Variants in SLC19A1 observed in about 807,000 individuals in gnomAD.
The protein encoded by SLC19A1 is solute carrier family 19 member 1.
A neutral mutation model predicts 35.3 loss-of-function variants in SLC19A1; 37 were observed. That is an observed-to-expected ratio of 1.05 (90% CI 0.81 to 1.38). The LOEUF is 1.38. SLC19A1 is among the 40% of genes most tolerant of loss of function. SLC19A1 has a pLI of 0.00. For missense variants in SLC19A1, 831 were observed against 826.9 expected, an observed-to-expected ratio of 1.00 and a Z score of -0.06; for synonymous variants, 460 against 398.5, an observed-to-expected ratio of 1.15 and a Z score of -1.84.
intron 3 of SLC19A1, chr21:45,505,786 T>C (rs979942854): frequency 1.1e-5 from 10 of 939,138 alleles, no homozygotes; most frequent in Admixed American, 2.1e-5. Context: ...CTTCCGCCCC[T>C]GCCCCCCGCC....
In SLC19A1 at chr21:45,534,766, T is replaced by C; in HGVS notation, c.190-2618A>G. ...AGCAGGGAGGCTCTGCCCAGAGCTG[T>C]GACCTGCGTCCCACTTACAAGGCTG... On this transcript the variant is annotated intron_variant, in intron 2 of 5. Transcript: ENST00000311124. This position sits in a 1 kb window ranked among gnomAD's most constrained non-coding sequence, Gnocchi z 4.2. 1 of 615,902 alleles carries C rather than the reference T, an allele frequency of 1.6e-6. No individual in the cohort carries two copies. The highest frequency in any genetic ancestry group is 2.8e-6 in the Non-Finnish European group (1 of 353,236). 38.2% of individuals were successfully genotyped at this position (615,902 alleles called of 1,614,324 possible).
chr21:45,553,088 G>C (rs998376280), intron 1 of SLC19A1, among the ~76,000 whole-genome samples: 10 of 152,138 alleles, frequency 6.6e-5, no homozygotes, highest in Non-Finnish European at 1.3e-4. Flanking sequence ...CAGGCTCAGG[G>C]CTGGGGCAGG....
chr21:45,537,719 T>TGGGGGGGGGCCCCCCCCCCC, intron 2 of SLC19A1, 52 bp downstream of exon 2: 5 of 319,776 alleles, frequency 1.6e-5, no homozygotes, highest in Non-Finnish European at 2.8e-5. Flanking sequence ...CAGACGCTGC[T>TGGGGGGGGGCCCCCCCCCCC]CCCCGCCCAC....
At position 45,515,064 on chromosome 21, in the gene SLC19A1, C is replaced by T. The variant is rs1472934719; in HGVS notation, c.*594G>A. ...GAGGAACCAGCTCCGAGGACCAGAG[C>T]CGCTGCTCCCCTCTGATGACAATGT... On this transcript the variant is annotated 3_prime_UTR_variant, in exon 6 of 6. Transcript: ENST00000311124. 11 of 1,545,270 alleles carry T rather than the reference C, an allele frequency of 7.1e-6. No individual in the cohort carries two copies. The South Asian group carries it at 1.3e-4, about 19-fold the overall frequency.
At chr21:45,528,095 C>G (rs57287584) in intron 4 of SLC19A1, among the ~76,000 whole-genome samples, 5,138 of 148,296 alleles carry the variant, frequency 0.035, 315 homozygotes, top group African/African-American at 0.12. Context: ...AGTGGAGGCT[C>G]GGGGGCAGGC....
intron 1 of SLC19A1, among the ~76,000 whole-genome samples, chr21:45,560,292 C>T (rs1344202326): frequency 6.6e-6 from 1 of 152,206 alleles, no homozygotes; most frequent in Non-Finnish European, 1.5e-5. Context: ...CCAGCAGGAG[C>T]GGGACACTCC....
At chr21:45,508,387 AGATG>A (rs2037365415), downstream of SLC19A1, among the ~76,000 whole-genome samples, 1 of 132,264 alleles carries the variant, frequency 7.6e-6, no homozygotes, top group South Asian at 2.6e-4. Flanking sequence ...GATGGTGGGC[AGATG>A]GATGGTGGAT....
At chr21:45,509,574 C>G, downstream of SLC19A1, 1 of 1,527,766 alleles carries the variant, frequency 6.5e-7, no homozygotes, top group Non-Finnish European at 8.8e-7. Flanking sequence ...GCCCACCCGC[C>G]CACAGCCACC....
chr21:45,537,817 A>G lies in SLC19A1; in HGVS notation c.143T>C (p.Ile48Thr). 2 of 1,528,590 alleles carry G rather than the reference A, an allele frequency of 1.3e-6. No homozygotes were observed. Among genetic ancestry groups the G allele is most frequent in the Non-Finnish European group, 1.8e-6 (2 of 1,136,188 alleles). 94.7% of individuals were successfully genotyped at this position (1,528,590 alleles called of 1,614,324 possible). Reference sequence around the variant, plus strand: ...GTCGGGCCCCAGGAGGTAGGGGGTGATGAAGCTCTCCCCTGGCCGTATCTG... The same window carrying G: ...GTCGGGCCCCAGGAGGTAGGGGGTGGTGAAGCTCTCCCCTGGCCGTATCTG... Reference protein sequence around the residue: ...MAQIRPGESFITPYLLGPDKN... With the variant: ...MAQIRPGESFTTPYLLGPDKN... Residue 48 changes from isoleucine (I) to threonine (T), a missense_variant, in exon 2 of 6, where the codon ATC becomes ACC. Ile to Thr is a moderately conservative substitution (Grantham distance 89). Transcript: ENST00000311124.
At chr21:45,537,560 C>T (rs557360086) in intron 2 of SLC19A1, among the ~76,000 whole-genome samples, 4 of 147,134 alleles carry the variant, frequency 2.7e-5, no homozygotes, top group African/African-American at 2.5e-5. Flanking sequence ...CCCGGCACCC[C>T]GGCACCCACG....
intron 1 of SLC19A1, among the ~76,000 whole-genome samples, chr21:45,559,374 G>A (rs1405522719): frequency 6.6e-6 from 1 of 152,164 alleles, no homozygotes; most frequent in African/African-American, 2.4e-5. Context: ...GCACCGACAA[G>A]GAGACAAACA....
rs746226591 is a variant in SLC19A1, at chr21:45,531,971, C to G, written c.367G>C (p.Glu123Gln). 6 of 1,609,610 alleles carry G rather than the reference C, an allele frequency of 3.7e-6. No individual in the cohort carries two copies. Among genetic ancestry groups the G allele is most frequent in the Non-Finnish European group, 5.1e-6 (6 of 1,179,278 alleles). Residue 123 changes from glutamate to glutamine, a missense_variant, in exon 3 of 6, where the codon GAG becomes CAG. Glu to Gln is a conservative substitution (Grantham distance 29). Coordinates refer to ENST00000311124, the MANE Select transcript of SLC19A1 (RefSeq NM_194255.4). ...GCCATGGTGACGCTGTAGAAGAGCT[C>G]CATGAGCTGCATGTGCGCCACCGAG... is the stretch of plus-strand genomic sequence containing the variant. The part of the protein sequence containing the change: ...GHSVAHMQLM[E>Q]LFYSVTMAAR...
At chr21:45,539,550 G>C (rs2146443273) in intron 1 of SLC19A1, among the ~76,000 whole-genome samples, 1 of 152,286 alleles carries the variant, frequency 6.6e-6, no homozygotes, top group East Asian at 1.9e-4. Context: ...GGGACCCCTA[G>C]GAAAATCTGC....
At chr21:45,504,637 C>T (rs970770969) in intron 3 of SLC19A1, 62 of 1,295,756 alleles carry the variant, frequency 4.8e-5, no homozygotes, top group South Asian at 2.3e-4. Context: ...GCCCGGCCTT[C>T]GACACCCGCG....
chr21:45,555,225 G>GGGGGGCGGCGCAGGGGGCGGC (rs2078539020), intron 1 of SLC19A1, among the ~76,000 whole-genome samples: 1 of 16,144 alleles, frequency 6.2e-5, no homozygotes, highest in African/African-American at 3.4e-4. Context: ...GGGGGGCGCC[G>GGGGGGCGGCGCAGGGGGCGGC]GGGGGCGGCG....
chr21:45,543,256 A>T (rs2078366245), upstream of SLC19A1, among the ~76,000 whole-genome samples: 2 of 152,190 alleles, frequency 1.3e-5, no homozygotes, highest in South Asian at 4.1e-4. Flanking sequence ...AGGCCTGTGC[A>T]GGACACGGGG....
intron 3 of SLC19A1, chr21:45,507,355 C>T: frequency 1.6e-6 from 1 of 607,958 alleles, no homozygotes; most frequent in South Asian, 1.7e-5. Context: ...AGGGAGGGCA[C>T]CCTGCTGTGG....
Position 45,537,780 on chromosome 21 carries a change from C to T in SLC19A1, c.180G>A (p.Thr60=), listed in dbSNP as rs1330997355. The T allele has an allele frequency of 3.3e-6, 5 of 1,502,092 alleles. No individual in the cohort carries two copies. The highest frequency in any genetic ancestry group is 5.2e-5 in the East Asian group (2 of 38,390). 93.0% of individuals were successfully genotyped at this position (1,502,092 alleles called of 1,614,324 possible). Residue 60 remains threonine (T), a synonymous_variant, in exon 2 of 6, where the codon ACG becomes ACA. Coordinates refer to ENST00000311124, the MANE Select transcript of SLC19A1 (RefSeq NM_194255.4). ...PYLLGPDKNF[T]REQVTNEITP... is the part of the protein sequence containing the mutation. ...CCCGGCACCCACATGCCTGCTCCCGCGTGAAGTTCTTGTCGGGCCCCAGGA... is the reference window on the plus strand; with the variant it reads ...CCCGGCACCCACATGCCTGCTCCCGTGTGAAGTTCTTGTCGGGCCCCAGGA...
At chr21:45,524,513 C>G (rs1452110081) in intron 5 of SLC19A1, among the ~76,000 whole-genome samples, 1 of 11,826 alleles carries the variant, frequency 8.5e-5, no homozygotes, top group Non-Finnish European at 1.7e-4. Context: ...GCTCACCTGC[C>G]CTGAGTGTTC....
Sources: gnomAD v4.1 joint callset for allele counts (sites outside exome capture counted in the v4.1 genomes callset) on GRCh38, gnomAD v4.1.1 for gene constraint, Gnocchi (gnomAD v3.1) non-coding constraint, MANE v1.5 for transcripts, NCBI Gene and HGNC (gene_info 2026-07-23, HGNC 2026-07-21) for gene names.